Variants in RPH3A observed in about 807,000 individuals in gnomAD.
RPH3A encodes the protein rabphilin-3A.
Under a neutral mutation model 102.2 loss-of-function variants are expected in RPH3A, and 48 were observed. The observed-to-expected ratio is 0.47, with a 90% confidence interval of 0.37 to 0.60. The LOEUF (loss-of-function observed/expected upper bound fraction) is 0.60. RPH3A is among the 20% of genes least tolerant of loss of function. The pLI, the probability that RPH3A is intolerant of heterozygous loss-of-function variation, is 0.00. For missense variants in RPH3A, 781 were observed against 910.1 expected, an observed-to-expected ratio of 0.86 and a Z score of 1.83; for synonymous variants, 310 against 324.3, an observed-to-expected ratio of 0.96 and a Z score of 0.47.
At chr12:112,813,136 C>A (rs1164885558) in intron 2 of RPH3A, among the ~76,000 whole-genome samples, 1 of 152,228 alleles carries the variant, frequency 6.6e-6, no homozygotes, top group Non-Finnish European at 1.5e-5. Context: ...CATCACACAA[C>A]TAGAAAGAGG....
chr12:112,834,071 A>G (rs571000594), intron 3 of RPH3A, among the ~76,000 whole-genome samples: 64 of 152,316 alleles, frequency 4.2e-4, no homozygotes, highest in Middle Eastern at 6.8e-3. Flanking sequence ...AATCAAGATA[A>G]TGGACATATC....
At chr12:112,725,514 C>T (rs1049371044) in intron 1 of RPH3A, among the ~76,000 whole-genome samples, 1 of 152,000 alleles carries the variant, frequency 6.6e-6, no homozygotes, top group Non-Finnish European at 1.5e-5. Flanking sequence ...TGTTTTGCTC[C>T]TTGCATCTTT....
chr12:112,576,544 C>G (rs1020954940), intron 1 of RPH3A, among the ~76,000 whole-genome samples: 1 of 151,730 alleles, frequency 6.6e-6, no homozygotes, highest in African/African-American at 2.4e-5. Flanking sequence ...TTAGTAGAGA[C>G]GGGGTTTTGC....
chr12:112,875,168 C>A lies in RPH3A; in HGVS notation c.881C>A (p.Pro294Gln), dbSNP rs375690047. 1.4e-4 allele frequency: 218 copies of A among 1,597,564 alleles called. 2 individuals are homozygous for A. The African/African-American group carries it at 2.0e-3, about 14-fold the overall frequency. The change falls in exon 11 of 22, where the codon CCA becomes CAA. Residue 294 changes from proline (P) to glutamine (Q), a missense_variant and splice_region_variant. By Grantham distance (76) the Pro-to-Gln change is moderately conservative. Around this residue, in one of 2 missense-constraint regions of RPH3A, gnomAD observed 730 missense variants for 810.0 expected, o/e 0.90. Transcript: ENST00000389385. ...CCAGCGCCACCTCAGCCTGGGCAGCCAGGTACCTGCCACTCACCTGCTAGC... is the reference window on the plus strand; with the variant it reads ...CCAGCGCCACCTCAGCCTGGGCAGCAAGGTACCTGCCACTCACCTGCTAGC... Reference protein sequence around the residue: ...QSPAPPQPGQPGTPGGSRPGP... With the variant: ...QSPAPPQPGQQGTPGGSRPGP...
At position 112,668,533 on chromosome 12, in the gene RPH3A, A is replaced by G. The variant is rs2040103231; in HGVS notation, c.-140+93214A>G. Among the ~76,000 whole-genome samples, 3 of 152,344 alleles carry G rather than the reference A, an allele frequency of 2.0e-5. No individual in the cohort carries two copies. The South Asian group carries it at 6.2e-4, about 32-fold the overall frequency. On this transcript the variant is annotated intron_variant, in intron 1 of 21. Coordinates refer to the RPH3A transcript ENST00000543106. ...AGGGACATGGATGAAGCTGGAAGCC[A>G]TCATTCTCAGCAAACTAACACAGGA...
At chr12:112,776,686 A>G (rs1248409754) in intron 1 of RPH3A, among the ~76,000 whole-genome samples, 2 of 151,910 alleles carry the variant, frequency 1.3e-5, no homozygotes, top group Admixed American at 6.6e-5. Flanking sequence ...CATCCTGGCT[A>G]ACATGGTGAA....
At chr12:112,635,332 T>C (rs1190656160) in intron 1 of RPH3A, among the ~76,000 whole-genome samples, 1 of 152,234 alleles carries the variant, frequency 6.6e-6, no homozygotes, top group Non-Finnish European at 1.5e-5. Context: ...TGCTAGGCTC[T>C]GGAGTCAGCA....
intron 1 of RPH3A, among the ~76,000 whole-genome samples, chr12:112,575,567 C>T (rs867409142): frequency 1.4e-5 from 2 of 143,964 alleles, no homozygotes; most frequent in African/African-American, 5.1e-5. Flanking sequence ...TCCGGCAAGG[C>T]CCCCCAAAGT....
chr12:112,797,669 T>C (rs778437356), intron 2 of RPH3A, among the ~76,000 whole-genome samples: 2 of 151,798 alleles, frequency 1.3e-5, no homozygotes, highest in Non-Finnish European at 2.9e-5. Context: ...TTGCAGGCGG[T>C]GGCTTTGAGA....
At chr12:112,878,202 C>G (rs1247462591) in intron 13 of RPH3A, among the ~76,000 whole-genome samples, 1 of 152,154 alleles carries the variant, frequency 6.6e-6, no homozygotes, top group Non-Finnish European at 1.5e-5. Context: ...CTGAAAATGC[C>G]CTGTCTATGC....
In RPH3A at chr12:112,876,954, G is replaced by T; in HGVS notation, c.1171+88G>T. 3.2e-6 allele frequency: 3 copies of T among 935,990 alleles called. No individual in the cohort carries two copies. The South Asian group carries it at 5.6e-5, about 17-fold the overall frequency. The allele number at this position is 935,990 out of a possible 1,614,324, so 58.0% of individuals were successfully genotyped here. On this transcript the variant is annotated intron_variant, in intron 13 of 21. Transcript: ENST00000389385. Reference sequence around the variant, plus strand: ...ACAGGAACGGCTCAGGAACAGCCCTGTCTATCCCCAGACCCCTAATATACC... The same window carrying T: ...ACAGGAACGGCTCAGGAACAGCCCTTTCTATCCCCAGACCCCTAATATACC...
At chr12:112,730,612 A>G (rs916628720) in intron 1 of RPH3A, among the ~76,000 whole-genome samples, 2 of 152,080 alleles carry the variant, frequency 1.3e-5, no homozygotes, top group African/African-American at 4.8e-5. Flanking sequence ...GTTCTTTTAT[A>G]AGTGTTGATC....
chr12:112,870,592 C>T (rs2042692093), intron 10 of RPH3A, among the ~76,000 whole-genome samples: 1 of 152,144 alleles, frequency 6.6e-6, no homozygotes, highest in Non-Finnish European at 1.5e-5. Context: ...CATATTGGAA[C>T]ATCTTTGTTC....
At chr12:112,744,096 G>A (rs543421910) in intron 1 of RPH3A, among the ~76,000 whole-genome samples, 1 of 151,876 alleles carries the variant, frequency 6.6e-6, no homozygotes, top group Non-Finnish European at 1.5e-5. Context: ...TTTTTTCCAA[G>A]ACAGAGTCTT....
intron 1 of RPH3A, among the ~76,000 whole-genome samples, chr12:112,649,944 T>G (rs2039962388): frequency 6.6e-6 from 1 of 152,212 alleles, no homozygotes; most frequent in Admixed American, 6.5e-5. Flanking sequence ...TGGCCTCATT[T>G]TGACTTAACC....
chr12:112,682,138 G>A (rs997881794), intron 1 of RPH3A, among the ~76,000 whole-genome samples: 1 of 152,186 alleles, frequency 6.6e-6, no homozygotes, highest in Admixed American at 6.5e-5. Flanking sequence ...AACTGATAGT[G>A]TATATATAGA....
chr12:112,890,991 C>A lies in RPH3A; in HGVS notation c.1763C>A (p.Pro588Gln). 1 of 1,614,164 alleles carries A rather than the reference C, an allele frequency of 6.2e-7. No individual in the cohort carries two copies. ...AAMDANGYSDPFVKLWLKPDM... is the reference protein window; with the variant it reads ...AAMDANGYSDQFVKLWLKPDM... ...ATGGACGCTAATGGCTACTCAGACC[C>A]ATTCGTCAAGCTGTAAGTCAATGCC... Residue 588 changes from proline to glutamine, a missense_variant, in exon 19 of 22, where the codon CCA becomes CAA. Pro to Gln is a moderately conservative substitution (Grantham distance 76). Transcript: ENST00000389385.
chr12:112,645,480 C>G (rs1178832913), intron 1 of RPH3A, among the ~76,000 whole-genome samples: 2 of 152,144 alleles, frequency 1.3e-5, no homozygotes, highest in African/African-American at 4.8e-5. Flanking sequence ...GCTTGAACCA[C>G]TGGAGCAGAG....
intron 1 of RPH3A, among the ~76,000 whole-genome samples, chr12:112,650,223 T>G (rs1214020780): frequency 2.0e-5 from 3 of 152,180 alleles, no homozygotes; most frequent in African/African-American, 7.2e-5. Context: ...TCATCTCTAA[T>G]TTTATCCCCG....
Sources: allele counts gnomAD v4.1 joint callset (sites outside exome capture counted in the v4.1 genomes callset), GRCh38; gene constraint gnomAD v4.1.1; regional missense constraint gnomAD v4.1.1; transcripts MANE v1.5; gene names NCBI Gene and HGNC (gene_info 2026-07-23, HGNC 2026-07-21).